ULK4: variants seen among roughly 807,000 people sequenced by gnomAD.
The protein encoded by ULK4 is unc-51 like kinase 4.
In ULK4, 133 loss-of-function variants were observed where a neutral mutation model predicts 160.6. That is an observed-to-expected ratio of 0.83 (90% CI 0.72 to 0.96). ULK4 has a LOEUF of 0.96. Ranked by LOEUF, ULK4 falls within the 40% of genes least tolerant of loss-of-function variation. The pLI is 0.00. For missense variants in ULK4, 1,580 were observed against 1,499.5 expected (o/e 1.05, Z -0.89); for synonymous variants, 534 against 539.8 (o/e 0.99, Z 0.15).
chr3:41,745,663 T>C (rs1012641898), intron 22 of ULK4, among the ~76,000 whole-genome samples: 1 of 151,506 alleles, frequency 6.6e-6, no homozygotes, highest in African/African-American at 2.4e-5. Flanking sequence ...TAGTATTATA[T>C]TAATACTAAG....
chr3:41,705,483 A>G (rs1046657371), intron 25 of ULK4, among the ~76,000 whole-genome samples, 178 bp from the exon 26 acceptor site: 52 of 152,104 alleles, frequency 3.4e-4, no homozygotes, highest in Non-Finnish European at 5.9e-4. Context: ...TAATATACAT[A>G]AAGTCTAAAC....
intron 35 of ULK4, among the ~76,000 whole-genome samples, chr3:41,316,060 A>G (rs1479868458): frequency 2.6e-5 from 4 of 152,228 alleles, no homozygotes; most frequent in Non-Finnish European, 5.9e-5. Context: ...AAAAAATGAA[A>G]ACATATGTGC....
chr3:41,903,884 T>C (rs1332625394), intron 12 of ULK4, among the ~76,000 whole-genome samples: 2 of 151,612 alleles, frequency 1.3e-5, no homozygotes, highest in African/African-American at 4.9e-5. Flanking sequence ...ATGAGACATA[T>C]GAGGTTACAA....
intron 35 of ULK4, among the ~76,000 whole-genome samples, chr3:41,311,955 C>T (rs1051275748): frequency 2.4e-5 from 3 of 125,040 alleles, no homozygotes; most frequent in African/African-American, 4.0e-5. Context: ...TTTCTTCTAA[C>T]ACACATTTAT....
chr3:41,736,232 G>C (rs546529058), intron 22 of ULK4, among the ~76,000 whole-genome samples: 1 of 151,084 alleles, frequency 6.6e-6, no homozygotes, highest in Non-Finnish European at 1.5e-5. Context: ...GGGTCAAATG[G>C]TATTTCTAGT....
chr3:41,430,385 G>T (rs188271893), intron 34 of ULK4, among the ~76,000 whole-genome samples: 71 of 152,270 alleles, frequency 4.7e-4, no homozygotes, highest in South Asian at 1.7e-3. Flanking sequence ...ATTAGAATGA[G>T]TTTGTCTATA....
At chr3:41,439,429 G>A (rs1043428476) in intron 34 of ULK4, among the ~76,000 whole-genome samples, 5 of 152,066 alleles carry the variant, frequency 3.3e-5, no homozygotes, top group Non-Finnish European at 7.4e-5. Flanking sequence ...GGAAACCACC[G>A]AACAAAATGA....
chr3:41,587,897 C>A (rs182772181), intron 31 of ULK4, among the ~76,000 whole-genome samples: 2 of 151,132 alleles, frequency 1.3e-5, no homozygotes, highest in East Asian at 4.3e-4. Flanking sequence ...AAGTTGAAGA[C>A]AATTGAAAAG....
At chr3:41,911,755 C>T in intron 9 of ULK4, 96 bp from the exon 10 acceptor site, 1 of 910,674 alleles carries the variant, frequency 1.1e-6, no homozygotes, top group Non-Finnish European at 1.7e-6. Flanking sequence ...AATTAAATTA[C>T]ACATGACATT....
At chr3:41,785,267 C>T (rs1157702862) in intron 21 of ULK4, among the ~76,000 whole-genome samples, 1 of 152,076 alleles carries the variant, frequency 6.6e-6, no homozygotes, top group African/African-American at 2.4e-5. Context: ...TTTAATATCC[C>T]TGAGGAACAT....
chr3:41,673,274 A>C (rs1053874421), intron 29 of ULK4, among the ~76,000 whole-genome samples: 2 of 152,174 alleles, frequency 1.3e-5, no homozygotes, highest in Admixed American at 1.3e-4. Flanking sequence ...TAAGGGAGAC[A>C]AAGAAGCAAT....
intron 35 of ULK4, among the ~76,000 whole-genome samples, chr3:41,319,903 C>A (rs1003727247): frequency 3.3e-5 from 5 of 152,142 alleles, no homozygotes; most frequent in African/African-American, 1.2e-4. Context: ...TGACAACAGC[C>A]CAATCACTAT....
intron 32 of ULK4, among the ~76,000 whole-genome samples, chr3:41,542,074 A>G (rs555511781): frequency 1.3e-5 from 2 of 152,206 alleles, no homozygotes; most frequent in East Asian, 3.9e-4. Context: ...GTGGTGAGAG[A>G]GGGCATCCTT....
At chr3:41,765,812 C>T (rs977094090) in intron 21 of ULK4, among the ~76,000 whole-genome samples, 6 of 152,010 alleles carry the variant, frequency 3.9e-5, no homozygotes, top group Non-Finnish European at 8.8e-5. Context: ...CTATCTTTAT[C>T]ATAAATAACA....
chr3:41,617,871 C>A (rs1042090315), intron 30 of ULK4, among the ~76,000 whole-genome samples: 2 of 152,016 alleles, frequency 1.3e-5, no homozygotes, highest in African/African-American at 4.8e-5. Context: ...AGTTAAGAAC[C>A]TTAATAAAAG....
chr3:41,691,705 C>T (rs929101524), intron 27 of ULK4, among the ~76,000 whole-genome samples: 92 of 151,696 alleles, frequency 6.1e-4, no homozygotes, highest in African/African-American at 1.9e-3. Context: ...ATTTCAAACC[C>T]GTTAACACAC....
At chr3:41,721,348 ATATATATATATATATTTT>A (rs1168856383) in intron 22 of ULK4, among the ~76,000 whole-genome samples, 1 of 52,928 alleles carries the variant, frequency 1.9e-5, no homozygotes, top group Non-Finnish European at 3.2e-5. Context: ...ATATATATAT[ATATATATATATATATTTT>A]TTTTTTTTTT....
chr3:41,706,827 CAAAAAAA>C lies in ULK4; in HGVS notation c.2635-1529_2635-1523del, dbSNP rs1156423434. On this transcript the variant is annotated intron_variant, in intron 25 of 36. Coordinates refer to ENST00000301831, the MANE Select transcript of ULK4 (RefSeq NM_017886.4). ...TGGCCGACAGAGCGAGACTCTGTCTCAAAAAAAAAAAAAAAAAAAATATGTGTGTGTG... is the reference window on the plus strand; with the variant it reads ...TGGCCGACAGAGCGAGACTCTGTCTCAAAAAAAAAAAAATATGTGTGTGTG... 4.1e-3 allele frequency among the ~76,000 whole-genome samples: 238 copies of C among 58,224 alleles called. 4 individuals are homozygous for C. Among genetic ancestry groups the C allele is most frequent in the African/African-American group, 8.7e-3 (208 of 24,010 alleles). The allele number at this position is 58,224 out of a possible 152,430, so 38.2% of individuals were successfully genotyped here.
At chr3:41,731,275 T>C (rs1223345012) in intron 22 of ULK4, among the ~76,000 whole-genome samples, 2 of 151,714 alleles carry the variant, frequency 1.3e-5, no homozygotes, top group African/African-American at 2.4e-5. Context: ...CTATAGAAAA[T>C]CCTAAAGGCT....
Sources: gnomAD v4.1 joint callset for allele counts (sites outside exome capture counted in the v4.1 genomes callset) on GRCh38, gnomAD v4.1.1 for gene constraint, MANE v1.5 for transcripts, NCBI Gene and HGNC (gene_info 2026-07-23, HGNC 2026-07-21) for gene names.